Variants in FREM3 observed in about 807,000 individuals in gnomAD.
The protein encoded by FREM3 is FRAS1-related extracellular matrix protein 3.
A neutral mutation model predicts 129.1 loss-of-function variants in FREM3; 105 were observed. That is an observed-to-expected ratio of 0.81 (90% CI 0.69 to 0.96). The LOEUF is 0.96. Among genes scored for constraint, FREM3 ranks in the 40% least tolerant of loss-of-function variants. The probability of loss-of-function intolerance (pLI) is 0.00; values close to 1 mark genes in which losing one functional copy is unlikely to be tolerated. For missense variants in FREM3, 2,593 were observed against 2,666.3 expected (o/e 0.97, Z 0.61); for synonymous variants, 1,014 against 1,044.9 (o/e 0.97, Z 0.57).
Position 143,695,817 on chromosome 4 carries a change from A to AC in FREM3, c.4858_4859insG (p.Phe1620CysfsTer12). ...AGTGCCGTCTGTCACAGTCAAGGAGAAACTATCTTCAGTGGTCTCACTGCC... is the reference window on the plus strand; with the variant it reads ...AGTGCCGTCTGTCACAGTCAAGGAGACAACTATCTTCAGTGGTCTCACTGCC... On this transcript the variant is annotated frameshift_variant, in exon 1 of 8. Transcript: ENST00000329798. LOFTEE classifies it high-confidence loss of function. 6.5e-7 allele frequency: 1 copy of AC among 1,537,262 alleles called. No homozygotes were observed. The highest frequency in any genetic ancestry group is 8.7e-7 in the Non-Finnish European group (1 of 1,146,904).
In FREM3 at chr4:143,695,488, A is replaced by G. The variant is rs2149863779; in HGVS notation, c.5185+3T>C. 6.5e-7 allele frequency: 1 copy of G among 1,535,058 alleles called. No homozygotes were observed. Among genetic ancestry groups the G allele is most frequent in the Middle Eastern group, 1.7e-4 (1 of 5,972 alleles). ...GAATAGGCAGGGAAGAATACATACT[A>G]ACCTTGTGTAAACACTCGAGTGCTC... On this transcript the variant is annotated splice_donor_region_variant and intron_variant, in intron 1 of 7. Transcript: ENST00000329798.
intron 6 of FREM3, among the ~76,000 whole-genome samples, chr4:143,597,784 A>G (rs1023106120): frequency 1.3e-5 from 2 of 152,218 alleles, no homozygotes; most frequent in African/African-American, 4.8e-5. Flanking sequence ...AGACATACAA[A>G]TGGAAAGACA....
chr4:143,696,848 T>C lies in FREM3; in HGVS notation c.3828A>G (p.Lys1276=). 1.3e-6 allele frequency: 2 copies of C among 1,537,724 alleles called. No individual in the cohort carries two copies. Among genetic ancestry groups the C allele is most frequent in the Non-Finnish European group, 1.7e-6 (2 of 1,147,020 alleles). ...IVYEHDDSET[K]EDSFEVWLSD... is the part of the protein sequence containing the mutation. The stretch of plus-strand genomic sequence containing the variant: ...TCAGCCAGACCTCAAAACTGTCCTC[T>C]TTTGTCTCTGAGTCATCATGCTCAT... Residue 1276 remains lysine (K), a synonymous_variant, in exon 1 of 8, where the codon AAA becomes AAG. Coordinates refer to ENST00000329798, the MANE Select transcript of FREM3 (RefSeq NM_001168235.2).
chr4:143,660,600 G>GT (rs1578855822), intron 2 of FREM3, among the ~76,000 whole-genome samples: 3 of 152,274 alleles, frequency 2.0e-5, no homozygotes, highest in African/African-American at 4.8e-5. Context: ...CTTTAAAGTA[G>GT]TTTTTTCCAA....
At chr4:143,664,061 G>T (rs28894818) in intron 2 of FREM3, among the ~76,000 whole-genome samples, 1 of 151,976 alleles carries the variant, frequency 6.6e-6, no homozygotes, top group Non-Finnish European at 1.5e-5. Flanking sequence ...TAGTTTGATC[G>T]TCTGAAGTCT....
intron 7 of FREM3, among the ~76,000 whole-genome samples, chr4:143,580,918 G>C (rs546570537): frequency 6.6e-6 from 1 of 152,160 alleles, no homozygotes; most frequent in Non-Finnish European, 1.5e-5. Context: ...TTACTGGGCA[G>C]GGCCTCCCGA....
intron 2 of FREM3, among the ~76,000 whole-genome samples, chr4:143,690,519 T>A (rs1441657923): frequency 6.6e-6 from 1 of 151,984 alleles, no homozygotes; most frequent in African/African-American, 2.4e-5. Flanking sequence ...AACAACAACA[T>A]CAACAACAAC....
intron 6 of FREM3, among the ~76,000 whole-genome samples, chr4:143,591,413 G>A (rs902736846): frequency 6.6e-6 from 1 of 152,220 alleles, no homozygotes; most frequent in Non-Finnish European, 1.5e-5. Flanking sequence ...TGCTTTGAAT[G>A]TGTCCCAGAG....
intron 2 of FREM3, among the ~76,000 whole-genome samples, chr4:143,647,239 G>A (rs1478685217): frequency 8.9e-6 from 1 of 112,188 alleles, no homozygotes; most frequent in Non-Finnish European, 2.2e-5. Context: ...TAAGATGTCT[G>A]GCAGAAGAAA....
intron 2 of FREM3, among the ~76,000 whole-genome samples, chr4:143,635,733 A>G (rs1739222738): frequency 6.6e-6 from 1 of 152,222 alleles, no homozygotes. Context: ...TGGCGTAGAT[A>G]ATCAAACACT....
At position 143,641,426 on chromosome 4, in the gene FREM3, G is replaced by T. The variant is rs571449380; in HGVS notation, c.5276-13666C>A. Among the ~76,000 whole-genome samples the T allele has an allele frequency of 2.0e-5, 3 of 152,304 alleles. No individual in the cohort carries two copies. The South Asian group carries it at 6.2e-4, about 32-fold the overall frequency. On this transcript the variant is annotated intron_variant, in intron 2 of 7. Transcript: ENST00000329798. Reference sequence around the variant, plus strand: ...CAATTGTGAGTTTGGCTGAACCTTGGATCTATCTAACAAATCCTTAAGTGA... The same window carrying T: ...CAATTGTGAGTTTGGCTGAACCTTGTATCTATCTAACAAATCCTTAAGTGA...
chr4:143,700,060 G>T lies in FREM3; in HGVS notation c.616C>A (p.Arg206Ser), dbSNP rs1171945128. ...ASLKSGATATRRCRLTPLPHE... is the reference protein window; with the variant it reads ...ASLKSGATATSRCRLTPLPHE... ...GGAAGTGGGGTAAGCCGGCACCTGC[G>T]GGTGGCCGTGGCTCCAGACTTCAGG... is the stretch of plus-strand genomic sequence containing the variant. The change falls in exon 1 of 8, where the codon CGC (arginine) becomes AGC (serine). Residue 206 changes from arginine to serine, a missense_variant. Arg to Ser is a moderately radical substitution (Grantham distance 110, BLOSUM62 -1). Coordinates refer to ENST00000329798, the MANE Select transcript of FREM3 (RefSeq NM_001168235.2). 5.3e-6 allele frequency: 8 copies of T among 1,523,194 alleles called. No homozygotes were observed. The East Asian group carries it at 7.4e-5, about 14-fold the overall frequency. 94.4% of individuals were successfully genotyped at this position (1,523,194 alleles called of 1,614,324 possible).
rs1165962909 is a variant in FREM3, at chr4:143,662,803, C to G, written c.5275+30310G>C. 3.3e-5 allele frequency among the ~76,000 whole-genome samples: 5 copies of G among 151,968 alleles called. No individual in the cohort carries two copies. The East Asian group carries it at 9.6e-4, about 29-fold the overall frequency. ...GTATATATATTTAGGATAGTTAGCT[C>G]TTCTTGTTGAATTGATCCCTTTACC... On this transcript the variant is annotated intron_variant, in intron 2 of 7. Transcript: ENST00000329798.
chr4:143,670,111 TC>T (rs1396499354), intron 2 of FREM3, among the ~76,000 whole-genome samples: 2 of 149,556 alleles, frequency 1.3e-5, no homozygotes, highest in African/African-American at 5.1e-5. Context: ...TCACTCAATC[TC>T]ATCAAATTGT....
chr4:143,659,241 C>G (rs1485136615), intron 2 of FREM3, among the ~76,000 whole-genome samples: 1 of 151,896 alleles, frequency 6.6e-6, no homozygotes, highest in East Asian at 1.9e-4. Flanking sequence ...TATCCCTCCC[C>G]CCTACCCCCA....
chr4:143,646,116 G>A (rs1739409935), intron 2 of FREM3, among the ~76,000 whole-genome samples: 1 of 151,942 alleles, frequency 6.6e-6, no homozygotes, highest in Admixed American at 6.6e-5. Flanking sequence ...ATCCTTCACT[G>A]GAGAATACAT....
intron 2 of FREM3, among the ~76,000 whole-genome samples, chr4:143,687,859 A>G (rs1362216836): frequency 6.6e-6 from 1 of 152,182 alleles, no homozygotes; most frequent in African/African-American, 2.4e-5. Context: ...CAAGGGACAT[A>G]CCTTAATGTA....
chr4:143,674,894 A>C (rs1412472501), intron 2 of FREM3, among the ~76,000 whole-genome samples: 1 of 152,242 alleles, frequency 6.6e-6, no homozygotes, highest in Non-Finnish European at 1.5e-5. Context: ...TCATAAAGCA[A>C]GTCCTGAGAG....
intron 7 of FREM3, among the ~76,000 whole-genome samples, chr4:143,583,177 G>A (rs1361184976): frequency 1.3e-5 from 2 of 152,080 alleles, no homozygotes; most frequent in Non-Finnish European, 2.9e-5. Flanking sequence ...CCAATTGCAA[G>A]TATTAACAAC....
Sources: gnomAD v4.1 joint callset for allele counts (sites outside exome capture counted in the v4.1 genomes callset) on GRCh38, gnomAD v4.1.1 for gene constraint, MANE v1.5 for transcripts, NCBI Gene and HGNC (gene_info 2026-07-23, HGNC 2026-07-21) for gene names.